C3orf33: variants seen among roughly 807,000 people sequenced by gnomAD.
The protein encoded by C3orf33 is mitochondrial inner membrane subdomain organizer 1.
Under a neutral mutation model 28.7 loss-of-function variants are expected in C3orf33, and 23 were observed. That is an observed-to-expected ratio of 0.80 (90% CI 0.58 to 1.13). The LOEUF (loss-of-function observed/expected upper bound fraction) is 1.13. C3orf33 is among the 50% of genes most tolerant of loss of function. The pLI is 0.00. For missense variants in C3orf33, 327 were observed against 353.4 expected (o/e 0.93, Z 0.60); for synonymous variants, 119 against 120.5 (o/e 0.99, Z 0.08).
intron 2 of C3orf33, among the ~76,000 whole-genome samples, chr3:155,787,043 A>G: frequency 6.6e-6 from 1 of 152,224 alleles, no homozygotes; most frequent in East Asian, 1.9e-4. Flanking sequence ...TTTCCCAAAA[A>G]TTAAAGAGAA....
intron 2 of C3orf33, among the ~76,000 whole-genome samples, chr3:155,776,937 G>A (rs1750768346): frequency 6.6e-6 from 1 of 151,666 alleles, no homozygotes; most frequent in Non-Finnish European, 1.5e-5. Flanking sequence ...GGAAAAAAAG[G>A]GTGGCAAGAT....
At chr3:155,782,420 A>G (rs1750955404) in intron 2 of C3orf33, among the ~76,000 whole-genome samples, 1 of 152,158 alleles carries the variant, frequency 6.6e-6, no homozygotes, top group South Asian at 2.1e-4. Context: ...ACAAACTCCA[A>G]GTAGGATGCA....
Position 155,775,779 on chromosome 3 carries a change from G to A in C3orf33, c.244C>T (p.Arg82Ter), listed in dbSNP as rs767031253. ...FIRRNVKLRG[R>*]LRRITENGLE... ...CCATTCTCAGTTATTCGGCGTAATC[G>A]TCCACGTAGTTTAACATTTCTTCTT... The change falls in exon 3 of 5, where the codon CGA becomes TGA. Residue 82 changes from arginine (R) to a stop codon, truncating the protein, a stop_gained. Coordinates refer to ENST00000340171, the MANE Select transcript of C3orf33 (RefSeq NM_001308229.2). LOFTEE classifies it high-confidence loss of function. 13 of 1,594,192 alleles carry A rather than the reference G, an allele frequency of 8.2e-6. No individual in the cohort carries two copies. Among genetic ancestry groups the A allele is most frequent in the South Asian group, 3.3e-5 (3 of 90,004 alleles).
intron 4 of C3orf33, among the ~76,000 whole-genome samples, chr3:155,765,704 T>C (rs1750382750): frequency 6.6e-6 from 1 of 152,088 alleles, no homozygotes; most frequent in Admixed American, 6.6e-5. Flanking sequence ...CCCGGCACCA[T>C]GCCCAGCTTA....
chr3:155,797,019 C>T (rs911215560), intron 2 of C3orf33, among the ~76,000 whole-genome samples: 10 of 152,014 alleles, frequency 6.6e-5, no homozygotes, highest in African/African-American at 2.4e-4. Flanking sequence ...GGCAAAACCC[C>T]GCCTCTACTA....
chr3:155,794,262 T>C (rs555500119), intron 2 of C3orf33, among the ~76,000 whole-genome samples: 2 of 152,290 alleles, frequency 1.3e-5, no homozygotes, highest in South Asian at 4.1e-4. Context: ...ATTATAGGTG[T>C]GAGCCACTGC....
chr3:155,799,075 A>T (rs1751565808), intron 2 of C3orf33, among the ~76,000 whole-genome samples: 1 of 152,234 alleles, frequency 6.6e-6, no homozygotes, highest in South Asian at 2.1e-4. Flanking sequence ...ACAATAGGAT[A>T]TCATCTCATC....
At chr3:155,789,579 A>C (rs1751248973) in intron 2 of C3orf33, among the ~76,000 whole-genome samples, 2 of 152,098 alleles carry the variant, frequency 1.3e-5, no homozygotes, top group African/African-American at 4.8e-5. Flanking sequence ...CCCTATCAAA[A>C]TCCCAATGAC....
intron 2 of C3orf33, among the ~76,000 whole-genome samples, chr3:155,800,531 G>A (rs2109281996): frequency 7.0e-6 from 1 of 142,112 alleles, no homozygotes; most frequent in South Asian, 2.3e-4. Context: ...GATCACTTGA[G>A]GCTAAGAGGT....
intron 3 of C3orf33, among the ~76,000 whole-genome samples, chr3:155,769,106 A>T (rs1384704165): frequency 6.6e-6 from 1 of 152,168 alleles, no homozygotes; most frequent in Non-Finnish European, 1.5e-5. Context: ...TGAGGTTAGG[A>T]ATTCGAGACA....
At chr3:155,779,271 A>G (rs1458730610) in intron 2 of C3orf33, among the ~76,000 whole-genome samples, 1 of 152,162 alleles carries the variant, frequency 6.6e-6, no homozygotes. Context: ...GGACCTAAGG[A>G]GAATATATTG....
At chr3:155,770,988 GTGTGTTGAGACATAGTTTTGCTCTGCCAC>G (rs1199845353) in intron 3 of C3orf33, among the ~76,000 whole-genome samples, 27 of 144,334 alleles carry the variant, frequency 1.9e-4, no homozygotes, top group Non-Finnish European at 3.5e-4. Context: ...GTGTGTGTGT[GTGTGTTGAGACATAGTTTTGCTCTGCCAC>G]TGTGTGTGTG....
chr3:155,787,706 GTC>G (rs780128543), intron 2 of C3orf33, among the ~76,000 whole-genome samples: 1 of 150,174 alleles, frequency 6.7e-6, no homozygotes, highest in Non-Finnish European at 1.5e-5. Flanking sequence ...TAGAGATGGG[GTC>G]TCTCTATGTT....
At chr3:155,776,609 A>T (rs2109259056) in intron 2 of C3orf33, among the ~76,000 whole-genome samples, 1 of 151,978 alleles carries the variant, frequency 6.6e-6, no homozygotes, top group African/African-American at 2.4e-5. Flanking sequence ...CAATAGCAAG[A>T]TACCATCTCC....
At chr3:155,772,871 G>T (rs1223005118) in intron 3 of C3orf33, among the ~76,000 whole-genome samples, 1 of 150,610 alleles carries the variant, frequency 6.6e-6, no homozygotes, top group African/African-American at 2.4e-5. Flanking sequence ...GCACAGAATT[G>T]TCATTAGGAA....
At position 155,775,710 on chromosome 3, in the gene C3orf33, A is replaced by G. The variant is rs1329286745; in HGVS notation, c.313T>C (p.Ser105Pro). ...CTTGTACCTTACTTACTTCTCAATG[A>G]AGCTATAATAGGTAAAGTAATAGGT... ...HIPITLPIIASLRKEPRGALL... is the reference protein window; with the variant it reads ...HIPITLPIIAPLRKEPRGALL... Residue 105 changes from serine to proline, a missense_variant, in exon 3 of 5, where the codon TCA becomes CCA. Coordinates refer to ENST00000340171, the MANE Select transcript of C3orf33 (RefSeq NM_001308229.2). 2.0e-6 allele frequency: 3 copies of G among 1,536,384 alleles called. No individual in the cohort carries two copies. Among genetic ancestry groups the G allele is most frequent in the Non-Finnish European group, 2.7e-6 (3 of 1,125,770 alleles).
intron 2 of C3orf33, among the ~76,000 whole-genome samples, chr3:155,779,804 C>G (rs181628544): frequency 6.6e-6 from 1 of 152,156 alleles, no homozygotes; most frequent in Non-Finnish European, 1.5e-5. Flanking sequence ...TGTTTTCTTA[C>G]AATATATGCA....
At chr3:155,775,319 A>G (rs111579477) in intron 3 of C3orf33, among the ~76,000 whole-genome samples, 3,586 of 152,074 alleles carry the variant, frequency 0.024, 136 homozygotes, top group African/African-American at 0.082. Flanking sequence ...GAGAAACCCC[A>G]TCTCTACTAA....
At chr3:155,797,036 C>T (rs151171595) in intron 2 of C3orf33, among the ~76,000 whole-genome samples, 19 of 152,136 alleles carry the variant, frequency 1.2e-4, no homozygotes, top group African/African-American at 4.6e-4. Context: ...ACTAAAAATA[C>T]AAAAATTAGC....
Sources: gnomAD v4.1 joint callset for allele counts (sites outside exome capture counted in the v4.1 genomes callset) on GRCh38, gnomAD v4.1.1 for gene constraint, MANE v1.5 for transcripts, NCBI Gene and HGNC (gene_info 2026-07-23, HGNC 2026-07-21) for gene names.